DOCK2: variants seen among roughly 807,000 people sequenced by gnomAD.
DOCK2 encodes the protein dedicator of cytokinesis protein 2.
Under a neutral mutation model 248.9 loss-of-function variants are expected in DOCK2, and 87 were observed. The observed-to-expected ratio is 0.35, with a 90% CI of 0.29 to 0.42. DOCK2 has a LOEUF of 0.42. DOCK2 is among the 10% of genes least tolerant of loss of function. The pLI is 1.00. For missense variants in DOCK2, 1,747 were observed against 2,300.2 expected (o/e 0.76, Z 4.92); for synonymous variants, 805 against 821.6 (o/e 0.98, Z 0.35).
At chr5:169,770,343 T>C (rs1765018586) in intron 25 of DOCK2, among the ~76,000 whole-genome samples, 1 of 147,968 alleles carries the variant, frequency 6.8e-6, no homozygotes, top group Admixed American at 6.9e-5. Flanking sequence ...TCACCTAGGC[T>C]GAAGCACAGT....
intron 33 of DOCK2, among the ~76,000 whole-genome samples, chr5:170,025,161 A>G (rs1755859455): frequency 6.6e-6 from 1 of 152,268 alleles, no homozygotes; most frequent in African/African-American, 2.4e-5. Context: ...AGTGCTTTAC[A>G]TATAAAATCT....
rs75507231 is a variant in DOCK2 at position 169,966,900 on chromosome 5, C to G, written c.2800-16168C>G. The stretch of plus-strand genomic sequence containing the variant: ...GGAACCTATTCAACGAAAGAGAGCC[C>G]TTCACCAATCCATGCGCCATCAAAT... On this transcript the variant is annotated intron_variant, in intron 27 of 51. Coordinates refer to ENST00000520908, the MANE Select transcript of DOCK2 (RefSeq NM_004946.3). Among the ~76,000 whole-genome samples, 1,220 of 152,328 alleles carry G rather than the reference C, an allele frequency of 8.0e-3. 11 individuals carry two copies. Among genetic ancestry groups the G allele is most frequent in the African/African-American group, 0.026 (1,079 of 41,570 alleles).
intron 22 of DOCK2, among the ~76,000 whole-genome samples, chr5:169,732,857 G>A (rs1762854985): frequency 1.3e-5 from 2 of 152,058 alleles, no homozygotes; most frequent in African/African-American, 4.8e-5. Flanking sequence ...GACAATTATA[G>A]CATCTATAAA....
rs181313134 is a variant in DOCK2, at chr5:169,767,323, C to G, written c.2554+5698C>G. On this transcript the variant is annotated intron_variant, in intron 25 of 51. Coordinates refer to ENST00000520908, the MANE Select transcript of DOCK2 (RefSeq NM_004946.3). ...AGATGCATCATTTGCAAATACTTTC[C>G]CCTATTCTGTAGGTCGTCCATTTAC... is the stretch of plus-strand genomic sequence containing the variant. Among the ~76,000 whole-genome samples, 4 of 152,182 alleles carry G rather than the reference C, an allele frequency of 2.6e-5. 1 individual carries two copies. The highest frequency in any genetic ancestry group is 9.6e-5 in the African/African-American group (4 of 41,524).
intron 16 of DOCK2, 34 bp from the exon 17 acceptor site, chr5:169,712,086 A>G: frequency 6.2e-7 from 1 of 1,613,910 alleles, no homozygotes. Context: ...CCCATGTATC[A>G]TTTTCTTTCC....
chr5:169,689,429 T>C (rs1026474895), intron 9 of DOCK2, 96 bp downstream of exon 9: 2 of 1,295,872 alleles, frequency 1.5e-6, no homozygotes, highest in Non-Finnish European at 2.2e-6. Flanking sequence ...GAAGTGTGGC[T>C]GTCCTGCAGA....
At chr5:169,745,671 G>A (rs1763572300) in intron 22 of DOCK2, among the ~76,000 whole-genome samples, 1 of 152,194 alleles carries the variant, frequency 6.6e-6, no homozygotes, top group African/African-American at 2.4e-5. Context: ...TGTGATACTA[G>A]TGCCTGCCTC....
intron 36 of DOCK2, among the ~76,000 whole-genome samples, chr5:170,038,193 C>T (rs963600161): frequency 3.9e-5 from 6 of 152,124 alleles, no homozygotes; most frequent in African/African-American, 9.7e-5. Context: ...AGAATGTTTC[C>T]GTCCTACCTT....
At chr5:169,771,605 G>T (rs1184500221) in intron 25 of DOCK2, among the ~76,000 whole-genome samples, 1 of 151,996 alleles carries the variant, frequency 6.6e-6, no homozygotes, top group Non-Finnish European at 1.5e-5. Flanking sequence ...CAGATTGGTT[G>T]TATTTTTCTT....
intron 14 of DOCK2, chr5:169,703,868 C>CTTTTAT (rs1395947138): frequency 6.6e-6 from 1 of 152,196 alleles, no homozygotes; most frequent in Non-Finnish European, 1.5e-5. Flanking sequence ...TATCCAACTT[C>CTTTTAT]CCTGGTAGAG....
At chr5:169,866,891 T>C (rs1195272827) in intron 27 of DOCK2, among the ~76,000 whole-genome samples, 1 of 152,188 alleles carries the variant, frequency 6.6e-6, no homozygotes, top group Non-Finnish European at 1.5e-5. Flanking sequence ...CAGTTGGGTG[T>C]CTTCCAATTC....
intron 45 of DOCK2, 141 bp from the exon 46 acceptor site, chr5:170,068,996 G>T (rs1757588305): frequency 2.9e-6 from 2 of 692,070 alleles, no homozygotes; most frequent in Admixed American, 4.8e-5. Context: ...AGTCTCTCCA[G>T]ACCTGTTACT....
At chr5:170,078,562 A>G (rs1757920626) in intron 48 of DOCK2, among the ~76,000 whole-genome samples, 2 of 152,180 alleles carry the variant, frequency 1.3e-5, no homozygotes, top group Non-Finnish European at 2.9e-5. Context: ...GCCACTCTGC[A>G]AGGTCTCTGC....
At chr5:169,712,071 G>T in intron 16 of DOCK2, 49 bp from the exon 17 acceptor site, 2 of 1,613,614 alleles carry the variant, frequency 1.2e-6, no homozygotes, top group Non-Finnish European at 1.7e-6. Context: ...GGAAGAGCTG[G>T]GTGGCCCATG....
Position 169,940,191 on chromosome 5 carries a change from G to A in DOCK2, c.2800-42877G>A, listed in dbSNP as rs17738017. On this transcript the variant is annotated intron_variant, in intron 27 of 51. Coordinates refer to ENST00000520908, the MANE Select transcript of DOCK2 (RefSeq NM_004946.3). ...TACAGATCTTTAGAAGGGACCTGCT[G>A]CTTTAACAATGAAGGTAGAACTGTG... Among the ~76,000 whole-genome samples the A allele has an allele frequency of 7.9e-3, 1,210 of 152,330 alleles. 62 individuals carry two copies. In the East Asian group the frequency reaches 0.13, roughly 17 times the overall value.
At chr5:169,926,991 A>G (rs978502714) in intron 27 of DOCK2, among the ~76,000 whole-genome samples, 1 of 152,258 alleles carries the variant, frequency 6.6e-6, no homozygotes, top group Non-Finnish European at 1.5e-5. Context: ...GGCCAAGGAT[A>G]ACATCTCTCT....
At chr5:169,822,401 C>A (rs56267726) in intron 26 of DOCK2, among the ~76,000 whole-genome samples, 109,539 of 152,110 alleles carry the variant, frequency 0.72, 40,181 homozygotes, top group African/African-American at 0.88. Context: ...AAAAGAACAG[C>A]AATTATAACA....
At chr5:169,846,047 A>C (rs1004993749) in intron 27 of DOCK2, among the ~76,000 whole-genome samples, 9 of 152,084 alleles carry the variant, frequency 5.9e-5, no homozygotes, top group Admixed American at 5.2e-4. Flanking sequence ...TTTGACAAGG[A>C]GGAGAGATCC....
chr5:169,648,724 C>T (rs868199991), intron 1 of DOCK2, among the ~76,000 whole-genome samples: 9 of 152,220 alleles, frequency 5.9e-5, no homozygotes, highest in African/African-American at 2.2e-4. Context: ...ATCACACCCA[C>T]CCCAAGAACT....
Sources: allele counts gnomAD v4.1 joint callset (sites outside exome capture counted in the v4.1 genomes callset), GRCh38; gene constraint gnomAD v4.1.1; transcripts MANE v1.5; gene names NCBI Gene and HGNC (gene_info 2026-07-23, HGNC 2026-07-21).